Variants in ADCY7 observed in about 807,000 individuals in gnomAD.
ADCY7 encodes the protein adenylate cyclase 7.
In ADCY7, 72 loss-of-function variants were observed where a neutral mutation model predicts 120.6. The ratio of observed to expected loss-of-function variants is 0.60; its 90% CI spans 0.49 to 0.73. ADCY7 has a LOEUF of 0.73. Among genes scored for constraint, ADCY7 ranks in the 30% least tolerant of loss-of-function variants. ADCY7 has a pLI of 0.00. For missense variants in ADCY7, 1,227 were observed against 1,486.0 expected, an observed-to-expected ratio of 0.83 and a Z score of 2.87; for synonymous variants, 661 against 628.0, an observed-to-expected ratio of 1.05 and a Z score of -0.78.
intron 10 of ADCY7, among the ~76,000 whole-genome samples, chr16:50,303,898 A>G (rs1482090753): frequency 6.6e-6 from 1 of 151,934 alleles, no homozygotes; most frequent in Non-Finnish European, 1.5e-5. Context: ...CACACGTGGG[A>G]GGGCAGGGTA....
chr16:50,246,427 C>T (rs1207018263), intron 1 of ADCY7, among the ~76,000 whole-genome samples: 1 of 152,036 alleles, frequency 6.6e-6, no homozygotes, highest in Non-Finnish European at 1.5e-5. Context: ...ACGACCTCCT[C>T]CCTTAGGCAC....
chr16:50,301,241 G>A (rs754383359), intron 10 of ADCY7, 27 bp downstream of exon 10: 1 of 1,475,012 alleles, frequency 6.8e-7, no homozygotes, highest in East Asian at 2.5e-5. Flanking sequence ...GCCGCAGCTG[G>A]GGGGGACCCG....
Position 50,308,348 on chromosome 16 carries a change from C to T in ADCY7, c.1872C>T (p.Ser624=). The T allele has an allele frequency of 6.2e-7, 1 of 1,614,180 alleles. No homozygotes were observed. Residue 624 remains serine, a synonymous_variant, in exon 16 of 26, where the codon TCC becomes TCT. Coordinates refer to ENST00000673801, the MANE Select transcript of ADCY7 (RefSeq NM_001114.5). ...LMPRTAALGV[S]FGLVACVLGL... is the part of the protein sequence containing the mutation. ...CCAGGACGGCGGCACTGGGTGTGTC[C>T]TTCGGGCTGGTGGCCTGTGTACTGG...
In ADCY7 at chr16:50,309,634, T is replaced by G; in HGVS notation, c.2148T>G (p.Cys716Trp). The change falls in exon 18 of 26, where the codon TGT (cysteine) becomes TGG (tryptophan). Residue 716 changes from cysteine (C) to tryptophan (W), a missense_variant. Around this residue, in one of 5 missense-constraint regions of ADCY7, gnomAD observed 267 missense variants for 270.0 expected, o/e 0.99. Coordinates refer to ENST00000673801, the MANE Select transcript of ADCY7 (RefSeq NM_001114.5). ...LAASSKTRALCEPLPYYTCSC... is the reference protein window; with the variant it reads ...LAASSKTRALWEPLPYYTCSC... ...CGAGCAGCAAGACAAGAGCCCTGTG[T>G]GAGCCCCTCCCGGTGAGTGCGCCGG... 2 of 1,610,556 alleles carry G rather than the reference T, an allele frequency of 1.2e-6. No homozygotes were observed. Among genetic ancestry groups the G allele is most frequent in the Non-Finnish European group, 1.7e-6 (2 of 1,179,982 alleles).
chr16:50,273,211 C>T (rs1342206107), intron 1 of ADCY7, among the ~76,000 whole-genome samples: 3 of 152,146 alleles, frequency 2.0e-5, no homozygotes, highest in Admixed American at 1.3e-4. Context: ...GGTATTGTTA[C>T]CAGTCCATTC....
Position 50,312,022 on chromosome 16 carries a change from G to A in ADCY7, c.2449-14G>A, listed in dbSNP as rs760399095. Reference sequence around the variant, plus strand: ...TGCCTGTGGACGGGGCGCTTATGTTGCTGCCGTTTGCAGATTGACTATTAC... The same window carrying A: ...TGCCTGTGGACGGGGCGCTTATGTTACTGCCGTTTGCAGATTGACTATTAC... On this transcript the variant is annotated splice_polypyrimidine_tract_variant and intron_variant, in intron 20 of 25. Coordinates refer to ENST00000673801, the MANE Select transcript of ADCY7 (RefSeq NM_001114.5). 1.9e-6 allele frequency: 3 copies of A among 1,613,732 alleles called. No homozygotes were observed. Among genetic ancestry groups the A allele is most frequent in the African/African-American group, 1.3e-5 (1 of 74,926 alleles).
intron 3 of ADCY7, 40 bp from the exon 4 acceptor site, chr16:50,291,696 A>G: frequency 6.2e-7 from 1 of 1,612,674 alleles, no homozygotes; most frequent in Non-Finnish European, 8.5e-7. Flanking sequence ...GGCCTGGGGC[A>G]GCATCTTGGG....
intron 1 of ADCY7, among the ~76,000 whole-genome samples, chr16:50,281,303 C>T (rs2150903187): frequency 6.6e-6 from 1 of 152,334 alleles, no homozygotes. Context: ...TATTCACAGG[C>T]CATTGGTAGC....
intron 7 of ADCY7, among the ~76,000 whole-genome samples, chr16:50,295,333 C>T (rs2035274633): frequency 6.8e-6 from 1 of 146,276 alleles, no homozygotes; most frequent in South Asian, 2.2e-4. Flanking sequence ...CATGCACCAC[C>T]ACGCCTGGCT....
intron 1 of ADCY7, among the ~76,000 whole-genome samples, chr16:50,277,451 A>G (rs1331585381): frequency 1.3e-5 from 2 of 152,300 alleles, no homozygotes; most frequent in African/African-American, 4.8e-5. Context: ...ACTGTTTCCA[A>G]CACAGACTTA....
At chr16:50,255,488 A>C (rs1163847736) in intron 1 of ADCY7, among the ~76,000 whole-genome samples, 1 of 150,190 alleles carries the variant, frequency 6.7e-6, no homozygotes, top group African/African-American at 2.4e-5. Context: ...TTACAGCCCA[A>C]TGATTTGTTT....
chr16:50,248,334 T>A (rs1179805762), intron 1 of ADCY7, among the ~76,000 whole-genome samples: 2 of 152,200 alleles, frequency 1.3e-5, no homozygotes, highest in Non-Finnish European at 2.9e-5. Flanking sequence ...AAAGGAATGT[T>A]GCTGATGGAG....
upstream of ADCY7, among the ~76,000 whole-genome samples, chr16:50,265,509 C>G (rs1417951339): frequency 6.6e-6 from 1 of 152,222 alleles, no homozygotes; most frequent in African/African-American, 2.4e-5. Context: ...TACTCTGTGA[C>G]CAGCTGGGGC....
chr16:50,311,737 A>G lies in ADCY7; in HGVS notation c.2399A>G (p.Asn800Ser), dbSNP rs1177396524. 1 of 1,601,138 alleles carries G rather than the reference A, an allele frequency of 6.2e-7. No homozygotes were observed. ...TGGAAGGACCTGAAGACCATGACCA[A>G]TTTCTACCTGGTCCTGTTCTACATC... ...CSWKDLKTMT[N>S]FYLVLFYITL... The change falls in exon 20 of 26, where the codon AAT becomes AGT. Residue 800 changes from asparagine (N) to serine (S), a missense_variant. By Grantham distance (46) the Asn-to-Ser change is conservative. Transcript: ENST00000673801.
At position 50,313,939 on chromosome 16, in the gene ADCY7, G is replaced by A. The variant is rs374311671; in HGVS notation, c.2752-19G>A. 3.1e-5 allele frequency: 50 copies of A among 1,600,442 alleles called. No individual in the cohort carries two copies. The African/African-American group carries it at 3.6e-4, about 12-fold the overall frequency. Reference sequence around the variant, plus strand: ...GCTATGGAGTGGCGGCTGCTTCACCGCTTCCTTCTTGCCTGCAGCTCCTAC... The same window carrying A: ...GCTATGGAGTGGCGGCTGCTTCACCACTTCCTTCTTGCCTGCAGCTCCTAC... On this transcript the variant is annotated intron_variant, in intron 22 of 25. Coordinates refer to ENST00000673801, the MANE Select transcript of ADCY7 (RefSeq NM_001114.5).
chr16:50,277,325 G>A (rs974165046), intron 1 of ADCY7, among the ~76,000 whole-genome samples: 11 of 152,144 alleles, frequency 7.2e-5, no homozygotes, highest in African/African-American at 2.2e-4. Flanking sequence ...TACTCAAAGT[G>A]GATTTGGTAG....
chr16:50,267,432 G>T (rs566215276), intron 1 of ADCY7, among the ~76,000 whole-genome samples: 3 of 152,364 alleles, frequency 2.0e-5, no homozygotes, highest in Admixed American at 6.5e-5. Context: ...GGGAGGGCCG[G>T]GAGGGGGAAG....
At chr16:50,286,979 C>T (rs2034620167) in intron 1 of ADCY7, among the ~76,000 whole-genome samples, 1 of 151,500 alleles carries the variant, frequency 6.6e-6, no homozygotes, top group East Asian at 1.9e-4. Flanking sequence ...TTTATCTGTG[C>T]TGTCCAGTAC....
At chr16:50,291,321 C>CA (rs1567554268) in intron 3 of ADCY7, among the ~76,000 whole-genome samples, 1 of 10,844 alleles carries the variant, frequency 9.2e-5, no homozygotes, top group African/African-American at 3.8e-4. Context: ...CAGGACCAGC[C>CA]GGTGGGGATG....
Sources: gnomAD v4.1 joint callset for allele counts (sites outside exome capture counted in the v4.1 genomes callset) on GRCh38, gnomAD v4.1.1 for gene constraint, gnomAD v4.1.1 regional missense constraint, MANE v1.5 for transcripts, NCBI Gene and HGNC (gene_info 2026-07-23, HGNC 2026-07-21) for gene names.